The following PPP1R21 variants were observed in gnomAD, a reference collection of about 807,000 sequenced individuals.
PPP1R21 encodes KLRAQ motif containing 1.
Under a neutral mutation model 112.8 loss-of-function variants are expected in PPP1R21, and 85 were observed. The observed-to-expected ratio is 0.75, with a 90% confidence interval of 0.63 to 0.90. PPP1R21 has a LOEUF of 0.90. Among genes scored for constraint, PPP1R21 ranks in the 40% least tolerant of loss-of-function variants. The pLI, the probability that PPP1R21 is intolerant of heterozygous loss-of-function variation, is 0.00. For missense variants in PPP1R21, 1,199 were observed against 901.5 expected (o/e 1.33, Z -4.23); for synonymous variants, 381 against 322.3 (o/e 1.18, Z -1.95).
At position 48,479,939 on chromosome 2, in the gene PPP1R21, G is replaced by C. The variant is rs1242437706; in HGVS notation, c.1241G>C (p.Gly414Ala). The C allele has an allele frequency of 6.2e-7, 1 of 1,609,536 alleles. No homozygotes were observed. Among genetic ancestry groups the C allele is most frequent in the Non-Finnish European group, 8.5e-7 (1 of 1,175,862 alleles). ...GATTTCCTAGGTACAGAGCCAGATG[G>C]ACTCCTTCGGACAAACTACAGTTCT... ...LLALPSTEPD[G>A]LLRTNYSSVL... Residue 414 changes from glycine (G) to alanine (A), a missense_variant, in exon 13 of 22, where the codon GGA (glycine) becomes GCA (alanine). Transcript: ENST00000294952.
At position 48,486,651 on chromosome 2, in the gene PPP1R21, C is replaced by CA. The variant is rs1456706536; in HGVS notation, c.1344dup (p.Ala449SerfsTer6). On this transcript the variant is annotated frameshift_variant, in exon 14 of 22. Transcript: ENST00000294952. LOFTEE classifies it high-confidence loss of function. ...TATAGATATTTCCAAACATTATAGT[C>CA]AAAAAGCTGCAATAGAGCATGAACT... 1 of 1,611,106 alleles carries CA rather than the reference C, an allele frequency of 6.2e-7. No individual in the cohort carries two copies. Among genetic ancestry groups the CA allele is most frequent in the African/African-American group, 1.3e-5 (1 of 74,812 alleles).
In PPP1R21 at chr2:48,451,079, G is replaced by A. The variant is rs908127270; in HGVS notation, c.126+3G>A. On this transcript the variant is annotated splice_donor_region_variant and intron_variant, in intron 2 of 21. Transcript: ENST00000294952. ...AAGCAAATTCTGCAGCTTTAAAGGT[G>A]GGCAACAGGATATTTGTGTTGTGAG... 6.2e-7 allele frequency: 1 copy of A among 1,611,384 alleles called. No individual in the cohort carries two copies. Among genetic ancestry groups the A allele is most frequent in the Admixed American group, 1.7e-5 (1 of 60,008 alleles).
At chr2:48,442,684 A>G (rs1667087426) in intron 1 of PPP1R21, among the ~76,000 whole-genome samples, 1 of 152,192 alleles carries the variant, frequency 6.6e-6, no homozygotes, top group South Asian at 2.1e-4. Context: ...TATACTGGGG[A>G]TTAGAGAAGA....
chr2:48,508,729 A>G (rs1313261256), intron 19 of PPP1R21, among the ~76,000 whole-genome samples: 1 of 152,204 alleles, frequency 6.6e-6, no homozygotes, highest in Non-Finnish European at 1.5e-5. Context: ...ATTGCTGAGC[A>G]CAGAATAGAT....
chr2:48,473,563 C>T (rs369573587), intron 11 of PPP1R21, among the ~76,000 whole-genome samples: 9 of 152,268 alleles, frequency 5.9e-5, no homozygotes, highest in African/African-American at 2.2e-4. Context: ...TAATATTTTT[C>T]AGCAATTTTG....
rs1669953137 is a variant in PPP1R21 at position 48,498,532 on chromosome 2, G to C, written c.1732G>C (p.Glu578Gln). The change falls in exon 17 of 22, where the codon GAA (glutamate) becomes CAA (glutamine). Residue 578 changes from glutamate to glutamine, a missense_variant. Glu to Gln is a conservative substitution (Grantham distance 29). Transcript: ENST00000294952. The part of the protein sequence containing the change: ...SLEKISKLEQ[E>Q]KEHWMLEAQL... ...GGAAAAGATTTCTAAACTGGAGCAGGAAAAAGAACATTGGATGTTGGAAGC... is the reference window on the plus strand; with the variant it reads ...GGAAAAGATTTCTAAACTGGAGCAGCAAAAAGAACATTGGATGTTGGAAGC... 1 of 1,614,016 alleles carries C rather than the reference G, an allele frequency of 6.2e-7. No individual in the cohort carries two copies. The highest frequency in any genetic ancestry group is 1.7e-5 in the Admixed American group (1 of 59,994).
chr2:48,500,757 A>C (rs370110771), intron 17 of PPP1R21, among the ~76,000 whole-genome samples: 2 of 152,084 alleles, frequency 1.3e-5, no homozygotes, highest in Non-Finnish European at 2.9e-5. Context: ...AATACAGAAG[A>C]AATTAGCCAG....
Position 48,465,003 on chromosome 2 carries a change from T to C in PPP1R21, c.747+14T>C. The C allele has an allele frequency of 1.3e-6, 2 of 1,554,024 alleles. No individual in the cohort carries two copies. Among genetic ancestry groups the C allele is most frequent in the Non-Finnish European group, 1.7e-6 (2 of 1,158,930 alleles). ...AGGAGACACCAGGTAAAGGATGAAG[T>C]ACATGTTTTTATTTTCAGTTATATA... On this transcript the variant is annotated intron_variant, in intron 8 of 21. Transcript: ENST00000294952.
chr2:48,490,252 A>G (rs1447379501), intron 14 of PPP1R21, among the ~76,000 whole-genome samples: 1 of 151,708 alleles, frequency 6.6e-6, no homozygotes, highest in Non-Finnish European at 1.5e-5. Context: ...AAGAAAAGAA[A>G]AAAAGAAACT....
At chr2:48,456,935 C>T (rs748972773) in intron 3 of PPP1R21, among the ~76,000 whole-genome samples, 3 of 151,996 alleles carry the variant, frequency 2.0e-5, no homozygotes, top group Non-Finnish European at 2.9e-5. Context: ...GCCTGTAATC[C>T]CAGCTACTTG....
At chr2:48,463,252 TC>T (rs1468201587) in intron 7 of PPP1R21, among the ~76,000 whole-genome samples, 1 of 152,058 alleles carries the variant, frequency 6.6e-6, no homozygotes, top group African/African-American at 2.4e-5. Flanking sequence ...ATCCCAGTGA[TC>T]AGGAGGCAGA....
chr2:48,443,414 A>G (rs945766806), intron 1 of PPP1R21, among the ~76,000 whole-genome samples: 2 of 152,238 alleles, frequency 1.3e-5, no homozygotes, highest in Non-Finnish European at 2.9e-5. Context: ...GTAATGGCTG[A>G]AACTTTCTAA....
intron 21 of PPP1R21, among the ~76,000 whole-genome samples, chr2:48,513,949 A>G (rs1387324641): frequency 6.6e-6 from 1 of 152,174 alleles, no homozygotes; most frequent in East Asian, 1.9e-4. Context: ...CTCAGCCAGT[A>G]TCCAAGCTGA....
At chr2:48,496,437 A>G (rs1669838492) in intron 16 of PPP1R21, among the ~76,000 whole-genome samples, 1 of 151,048 alleles carries the variant, frequency 6.6e-6, no homozygotes, top group Non-Finnish European at 1.5e-5. Flanking sequence ...TACAGAGAAG[A>G]ATCTAAACAA....
At chr2:48,459,228 T>C (rs924483116) in intron 4 of PPP1R21, among the ~76,000 whole-genome samples, 2 of 151,856 alleles carry the variant, frequency 1.3e-5, no homozygotes, top group African/African-American at 4.8e-5. Context: ...TTTGAAAAAG[T>C]TGTTTTTGAC....
intron 21 of PPP1R21, among the ~76,000 whole-genome samples, chr2:48,514,417 C>G (rs1048790043): frequency 2.0e-5 from 3 of 152,102 alleles, no homozygotes; most frequent in African/African-American, 7.2e-5. Context: ...GTCTTTGGAA[C>G]AAAATGAATG....
intron 18 of PPP1R21, 31 bp downstream of exon 18, chr2:48,505,627 T>A (rs1455960983): frequency 3.9e-6 from 6 of 1,522,146 alleles, no homozygotes; most frequent in Non-Finnish European, 5.4e-6. Flanking sequence ...TGTTGTTTGT[T>A]AGTAAATATC....
intron 20 of PPP1R21, 58 bp downstream of exon 20, chr2:48,510,171 G>T: frequency 7.8e-7 from 1 of 1,289,198 alleles, no homozygotes; most frequent in East Asian, 2.5e-5. Flanking sequence ...TTCTTTGGTA[G>T]CAAAGCAGCA....
At chr2:48,479,871 T>C in intron 12 of PPP1R21, 53 bp from the exon 13 acceptor site, 5 of 1,057,868 alleles carry the variant, frequency 4.7e-6, no homozygotes, top group Middle Eastern at 2.0e-4. Context: ...AGGGATACAA[T>C]GGGCAGTCCA....
Sources: allele counts gnomAD v4.1 joint callset (sites outside exome capture counted in the v4.1 genomes callset), GRCh38; gene constraint gnomAD v4.1.1; transcripts MANE v1.5; gene names NCBI Gene and HGNC (gene_info 2026-07-23, HGNC 2026-07-21).